Variants in PLCH2 observed in about 807,000 individuals in gnomAD.
PLCH2 encodes phospholipase C eta 2, also known as 1-phosphatidylinositol 4,5-bisphosphate phosphodiesterase eta-2.
In PLCH2, 98 loss-of-function variants were observed where a neutral mutation model predicts 134.7. The observed-to-expected ratio is 0.73, with a 90% CI of 0.62 to 0.86. The LOEUF (loss-of-function observed/expected upper bound fraction) is 0.86. Among genes scored for constraint, PLCH2 ranks in the 40% least tolerant of loss-of-function variants. The pLI, the probability that PLCH2 is intolerant of heterozygous loss-of-function variation, is 0.00. For synonymous variants in PLCH2, 974 were observed against 827.5 expected, an observed-to-expected ratio of 1.18 and a Z score of -3.04; for missense variants, 1,994 against 1,986.6, an observed-to-expected ratio of 1.00 and a Z score of -0.07.
intron 2 of PLCH2, among the ~76,000 whole-genome samples, chr1:2,458,024 C>T (rs928616039): frequency 8.5e-5 from 13 of 152,140 alleles, no homozygotes; most frequent in Admixed American, 2.0e-4. Context: ...GGCTGGTGGG[C>T]GCTGGGCTCA....
At chr1:2,473,651 G>A (rs550005752), upstream of PLCH2, among the ~76,000 whole-genome samples, 32 of 152,334 alleles carry the variant, frequency 2.1e-4, no homozygotes, top group East Asian at 2.1e-3. Flanking sequence ...CGCCTGCTAC[G>A]TGTTGGATCA....
At chr1:2,503,140 G>GAC in intron 21 of PLCH2, 1 of 657,920 alleles carries the variant, frequency 1.5e-6, no homozygotes, top group Non-Finnish European at 2.8e-6. Flanking sequence ...GAGCTGGTTT[G>GAC]AGGCCCGACA....
upstream of PLCH2, chr1:2,467,436 CCCCTCGCCT>C (rs1233040567): frequency 1.5e-4 from 54 of 356,348 alleles, no homozygotes; most frequent in Non-Finnish European, 2.3e-4. Context: ...GTCCCGCCTT[CCCCTCGCCT>C]TCCTCACCTT....
intron 6 of PLCH2, 22 bp downstream of exon 6, chr1:2,487,022 G>A (rs1466394824): frequency 9.6e-6 from 15 of 1,569,078 alleles, no homozygotes; most frequent in Admixed American, 1.9e-5. Flanking sequence ...GCTGCCCTCA[G>A]CCCAGCTGTC....
In PLCH2 at chr1:2,498,783, C is replaced by A; in HGVS notation, c.2389C>A (p.Pro797Thr). 1.2e-6 allele frequency: 2 copies of A among 1,611,612 alleles called. No homozygotes were observed. The highest frequency in any genetic ancestry group is 3.3e-4 in the Middle Eastern group (2 of 6,046). The change falls in exon 18 of 22, where the codon CCT (proline) becomes ACT (threonine). Residue 797 changes from proline to threonine, a missense_variant. Transcript: ENST00000378486. This position sits in a 1 kb window ranked among gnomAD's most constrained non-coding sequence, Gnocchi z 5.4. ...PFVEVEIIGL[P>T]VDCSREQTRV... is the part of the protein sequence containing the mutation. Reference sequence around the variant, plus strand: ...TGTGGAGGTGGAGATCATTGGGCTCCCTGTGGACTGCAGCAGGGAGCAGAC... The same window carrying A: ...TGTGGAGGTGGAGATCATTGGGCTCACTGTGGACTGCAGCAGGGAGCAGAC...
At chr1:2,467,214 G>C (rs1641097820), upstream of PLCH2, among the ~76,000 whole-genome samples, 2 of 152,246 alleles carry the variant, frequency 1.3e-5, no homozygotes, top group Middle Eastern at 3.4e-3. Context: ...CAGGATGAAC[G>C]GTGGGTGGTC....
chr1:2,476,927 G>C (rs1441899855), intron 1 of PLCH2, among the ~76,000 whole-genome samples: 1 of 152,104 alleles, frequency 6.6e-6, no homozygotes, highest in Non-Finnish European at 1.5e-5. Flanking sequence ...AGCACACCTC[G>C]GTCTCCCAGG....
chr1:2,483,502 C>G (rs1421773269), intron 4 of PLCH2, among the ~76,000 whole-genome samples: 1 of 152,136 alleles, frequency 6.6e-6, no homozygotes, highest in African/African-American at 2.4e-5. Flanking sequence ...CCTGGTGTTC[C>G]TCGTGAGTAG....
At chr1:2,431,191 C>A (rs530105164) in intron 2 of PLCH2, among the ~76,000 whole-genome samples, 1 of 151,872 alleles carries the variant, frequency 6.6e-6, no homozygotes, top group Admixed American at 6.6e-5. Flanking sequence ...TTCTGCTCCC[C>A]CTGGGGGCCC....
chr1:2,456,992 C>T (rs1640528150), intron 2 of PLCH2, among the ~76,000 whole-genome samples: 1 of 152,202 alleles, frequency 6.6e-6, no homozygotes, highest in Non-Finnish European at 1.5e-5. Context: ...CAGCCAGGGC[C>T]CCTACCTGTC....
chr1:2,428,617 C>T (rs994824594), intron 1 of PLCH2, among the ~76,000 whole-genome samples: 1 of 152,250 alleles, frequency 6.6e-6, no homozygotes. Context: ...CTGTGCCAGC[C>T]CCAGCGGAGC....
chr1:2,474,024 C>T (rs1175452582), upstream of PLCH2, among the ~76,000 whole-genome samples: 1 of 152,190 alleles, frequency 6.6e-6, no homozygotes, highest in East Asian at 1.9e-4. Flanking sequence ...CAGAGCAGAG[C>T]GTGGCTTCTT....
At chr1:2,456,960 C>A (rs1201198278) in intron 2 of PLCH2, among the ~76,000 whole-genome samples, 1 of 152,232 alleles carries the variant, frequency 6.6e-6, no homozygotes. Flanking sequence ...CTCCTCTAGG[C>A]CTTAGGCAGG....
In PLCH2 at chr1:2,505,124, G is replaced by T; in HGVS notation, c.4162G>T (p.Glu1388Ter). The change falls in exon 22 of 22, where the codon GAG becomes TAG. Residue 1388 changes from glutamate to a stop codon, truncating the protein, a stop_gained. Transcript: ENST00000378486. LOFTEE classifies it high-confidence loss of function. ...CGAGGGCGCCTGCTCCGTGGGCCAC[G>T]AGGGCAGTGTGGATGCACCAGCACC... ...TPEGACSVGH[E>*]GSVDAPAPSK... 2 of 1,551,188 alleles carry T rather than the reference G, an allele frequency of 1.3e-6. No individual in the cohort carries two copies. The highest frequency in any genetic ancestry group is 2.4e-5 in the East Asian group (1 of 41,666).
chr1:2,466,893 G>A (rs1300215600), upstream of PLCH2, among the ~76,000 whole-genome samples: 1 of 152,152 alleles, frequency 6.6e-6, no homozygotes, highest in Non-Finnish European at 1.5e-5. Flanking sequence ...GCAGCACGCA[G>A]GGCTGCAGCC....
rs942906720 is a variant in PLCH2 at position 2,487,328 on chromosome 1, G to A, written c.1066G>A (p.Val356Met). ...VGDQLMSQSRVDMYAWVLQAG... is the reference protein window; with the variant it reads ...VGDQLMSQSRMDMYAWVLQAG... ...TGACCAGCTCATGTCCCAGTCACGG[G>A]TGGACATGTATGCTTGGGTCCTGCA... Residue 356 changes from valine to methionine, a missense_variant, in exon 7 of 22, where the codon GTG becomes ATG. Val to Met is a conservative substitution (Grantham distance 21). This residue lies in a region of PLCH2 where 1,094 missense variants were observed against 1,234.3 expected (regional missense o/e 0.89). Coordinates refer to ENST00000378486, the MANE Select transcript of PLCH2 (RefSeq NM_014638.4). 1.2e-6 allele frequency: 2 copies of A among 1,613,724 alleles called. No homozygotes were observed. The highest frequency in any genetic ancestry group is 1.3e-5 in the African/African-American group (1 of 74,944).
At chr1:2,462,405 CT>C (rs1268650040) in intron 2 of PLCH2, among the ~76,000 whole-genome samples, 1 of 143,810 alleles carries the variant, frequency 7.0e-6, no homozygotes, top group Non-Finnish European at 1.5e-5. Flanking sequence ...CCTGACACCC[CT>C]CTGCCTGACA....
intron 2 of PLCH2, among the ~76,000 whole-genome samples, chr1:2,432,054 G>C (rs1246528654): frequency 6.6e-6 from 1 of 152,276 alleles, no homozygotes; most frequent in East Asian, 1.9e-4. Context: ...GTCCCAGACT[G>C]GGGGGCTTGT....
chr1:2,416,435 G>A, the PLCH2 span, among the ~76,000 whole-genome samples: 32 of 152,338 alleles, frequency 2.1e-4, no homozygotes, highest in African/African-American at 7.7e-4. Context: ...GCCCCTCGCA[G>A]TGCCAGCCAC....
Sources: gnomAD v4.1 joint callset for allele counts (sites outside exome capture counted in the v4.1 genomes callset) on GRCh38, gnomAD v4.1.1 for gene constraint, gnomAD v4.1.1 regional missense constraint, Gnocchi (gnomAD v3.1) non-coding constraint, MANE v1.5 for transcripts, NCBI Gene and HGNC (gene_info 2026-07-23, HGNC 2026-07-21) for gene names.